ZNF804A: variants seen among roughly 807,000 people sequenced by gnomAD.
The protein encoded by ZNF804A is zinc finger protein 804A.
A neutral mutation model predicts 16.5 loss-of-function variants in ZNF804A; 2 were observed. That is an observed-to-expected ratio of 0.12 (90% CI 0.05 to 0.38). The LOEUF (loss-of-function observed/expected upper bound fraction) is 0.38, where lower values mean the gene tolerates loss of function less well. Ranked by LOEUF, ZNF804A falls within the 10% of genes least tolerant of loss-of-function variation. ZNF804A has a pLI of 0.99. For missense variants in ZNF804A, 1,473 were observed against 1,390.7 expected (o/e 1.06, Z -0.94); for synonymous variants, 534 against 489.6 (o/e 1.09, Z -1.20).
At chr2:184,708,394 A>G (rs1026601796) in intron 1 of ZNF804A, among the ~76,000 whole-genome samples, 3 of 152,120 alleles carry the variant, frequency 2.0e-5, no homozygotes, top group Admixed American at 2.0e-4. Context: ...CCAACCTCAA[A>G]CTATACTATA....
intron 3 of ZNF804A, among the ~76,000 whole-genome samples, chr2:184,935,016 A>G (rs1485319951): frequency 1.3e-5 from 2 of 152,148 alleles, no homozygotes; most frequent in Non-Finnish European, 2.9e-5. Flanking sequence ...AATTTTCTTC[A>G]CACAGAGTTC....
chr2:184,618,877 T>C (rs775891959), intron 1 of ZNF804A, among the ~76,000 whole-genome samples: 4 of 152,060 alleles, frequency 2.6e-5, no homozygotes, highest in South Asian at 4.1e-4. Context: ...TTTATAGAGA[T>C]TGGTTTTCAG....
intron 1 of ZNF804A, among the ~76,000 whole-genome samples, chr2:184,772,913 C>T: frequency 6.7e-6 from 1 of 149,380 alleles, no homozygotes; most frequent in East Asian, 2.0e-4. Context: ...TACACACACA[C>T]ACACACACAC....
chr2:184,898,506 C>T (rs964843917), intron 2 of ZNF804A, among the ~76,000 whole-genome samples: 3 of 151,788 alleles, frequency 2.0e-5, no homozygotes, highest in African/African-American at 7.3e-5. Flanking sequence ...AGCCTGGGGA[C>T]GTGATAAAGC....
rs1685855655 is a variant in ZNF804A, at chr2:184,939,255, A to G, written c.*229A>G. The G allele has an allele frequency of 6.5e-6, 3 of 461,116 alleles. No individual in the cohort carries two copies. In the Admixed American group the frequency reaches 1.1e-4, roughly 17 times the overall value. The allele number at this position is 461,116 out of a possible 1,614,324, so 28.6% of individuals were successfully genotyped here. On this transcript the variant is annotated 3_prime_UTR_variant, in exon 4 of 4. Coordinates refer to ENST00000302277, the MANE Select transcript of ZNF804A (RefSeq NM_194250.2). The stretch of plus-strand genomic sequence containing the variant: ...AATAGTTTGAAAATCAATACAATAT[A>G]TGCTATATATTAAAATGATGTCTTA...
At position 184,776,744 on chromosome 2, in the gene ZNF804A, C is replaced by A. The variant is rs186556389; in HGVS notation, c.112-89625C>A. Among the ~76,000 whole-genome samples the A allele has an allele frequency of 4.0e-5, 6 of 151,476 alleles. No homozygotes were observed. In the East Asian group the frequency reaches 7.8e-4, roughly 20 times the overall value. ...ATATTTTTACCACATGGAACTAGTACCCCAGGGATTAGAGTTTTGCACCTA... is the reference window on the plus strand; with the variant it reads ...ATATTTTTACCACATGGAACTAGTAACCCAGGGATTAGAGTTTTGCACCTA... On this transcript the variant is annotated intron_variant, in intron 1 of 3. Coordinates refer to ENST00000302277, the MANE Select transcript of ZNF804A (RefSeq NM_194250.2).
chr2:184,634,324 G>A (rs62176171), intron 1 of ZNF804A, among the ~76,000 whole-genome samples: 38 of 152,304 alleles, frequency 2.5e-4, no homozygotes, highest in African/African-American at 8.2e-4. Flanking sequence ...AACCTGTGTA[G>A]TAGGCAATTG....
At chr2:184,818,185 T>A (rs549361305) in intron 1 of ZNF804A, among the ~76,000 whole-genome samples, 5 of 151,810 alleles carry the variant, frequency 3.3e-5, no homozygotes, top group African/African-American at 1.2e-4. Context: ...ACAAAGGGAA[T>A]CTCATCAGAC....
chr2:184,886,026 AG>A (rs1160920181), intron 2 of ZNF804A, among the ~76,000 whole-genome samples: 2 of 152,192 alleles, frequency 1.3e-5, no homozygotes, highest in African/African-American at 4.8e-5. Flanking sequence ...AGAAGTCCAC[AG>A]TCCAAAGTCT....
chr2:184,681,217 G>T (rs573161784), intron 1 of ZNF804A, among the ~76,000 whole-genome samples: 1 of 152,250 alleles, frequency 6.6e-6, no homozygotes, highest in East Asian at 1.9e-4. Flanking sequence ...GGCCACAGAG[G>T]TTCCCAGATG....
intron 1 of ZNF804A, among the ~76,000 whole-genome samples, chr2:184,613,469 C>T (rs185067735): frequency 2.1e-3 from 325 of 152,160 alleles, no homozygotes; most frequent in Non-Finnish European, 3.3e-3. Flanking sequence ...ACTTTCTGGC[C>T]GACCAATATA....
intron 1 of ZNF804A, among the ~76,000 whole-genome samples, chr2:184,679,353 A>T (rs1433726988): frequency 6.6e-6 from 1 of 152,234 alleles, no homozygotes; most frequent in Non-Finnish European, 1.5e-5. Context: ...CATTGCAAAG[A>T]TGCCAGCTGT....
At chr2:184,929,528 A>C (rs1685663113) in intron 2 of ZNF804A, among the ~76,000 whole-genome samples, 2 of 152,030 alleles carry the variant, frequency 1.3e-5, no homozygotes, top group Non-Finnish European at 2.9e-5. Context: ...ATAACAATTA[A>C]CTTTTATACT....
intron 1 of ZNF804A, among the ~76,000 whole-genome samples, chr2:184,861,425 T>C (rs1173233758): frequency 6.6e-6 from 1 of 152,196 alleles, no homozygotes; most frequent in Non-Finnish European, 1.5e-5. Flanking sequence ...CTGCAGGAAA[T>C]AAGCACTAGG....
At chr2:184,819,506 G>A (rs1435573361) in intron 1 of ZNF804A, among the ~76,000 whole-genome samples, 1 of 151,560 alleles carries the variant, frequency 6.6e-6, no homozygotes, top group Non-Finnish European at 1.5e-5. Context: ...CACAACAAAA[G>A]TAACTAGAGA....
chr2:184,850,123 G>C (rs1207178471), intron 1 of ZNF804A, among the ~76,000 whole-genome samples: 1 of 151,588 alleles, frequency 6.6e-6, no homozygotes, highest in Non-Finnish European at 1.5e-5. Context: ...GTGCAAAAAT[G>C]TAATTAAAAT....
chr2:184,800,368 TTTAA>T (rs2105782462), intron 1 of ZNF804A, among the ~76,000 whole-genome samples: 1 of 151,988 alleles, frequency 6.6e-6, no homozygotes, highest in Admixed American at 6.5e-5. Flanking sequence ...TTTTAATTAC[TTTAA>T]TTGTTGAAGC....
intron 1 of ZNF804A, among the ~76,000 whole-genome samples, chr2:184,851,546 G>A (rs930511431): frequency 1.4e-4 from 21 of 151,796 alleles, no homozygotes; most frequent in African/African-American, 5.1e-4. Context: ...GCATTCCACT[G>A]CGCATATATA....
intron 1 of ZNF804A, among the ~76,000 whole-genome samples, chr2:184,802,562 A>C (rs1248930132): frequency 2.0e-5 from 3 of 152,200 alleles, no homozygotes; most frequent in African/African-American, 7.2e-5. Flanking sequence ...GTCTGGTGGC[A>C]GTTGCTCCAA....
Sources: allele counts gnomAD v4.1 joint callset (sites outside exome capture counted in the v4.1 genomes callset), GRCh38; gene constraint gnomAD v4.1.1; transcripts MANE v1.5; gene names NCBI Gene and HGNC (gene_info 2026-07-23, HGNC 2026-07-21).